The following TRPM8 variants were observed in gnomAD, a reference collection of about 807,000 sequenced individuals.
TRPM8 encodes the protein TRPM8 cationic channel.
A neutral mutation model predicts 133.7 loss-of-function variants in TRPM8; 110 were observed. That is an observed-to-expected ratio of 0.82 (90% CI 0.70 to 0.96). The LOEUF (loss-of-function observed/expected upper bound fraction) is 0.96. TRPM8 is among the 40% of genes least tolerant of loss of function. The pLI, the probability that TRPM8 is intolerant of heterozygous loss-of-function variation, is 0.00. For synonymous variants in TRPM8, 535 were observed against 532.3 expected (o/e 1.01, Z -0.07); for missense variants, 1,291 against 1,379.5 (o/e 0.94, Z 1.02).
At chr2:233,928,301 ACCT>A (rs1290004261) in intron 2 of TRPM8, among the ~76,000 whole-genome samples, 2 of 151,906 alleles carry the variant, frequency 1.3e-5, no homozygotes, top group African/African-American at 2.4e-5. Flanking sequence ...TGCCACTGTG[ACCT>A]CCTGCTGGAT....
At chr2:233,997,167 G>T (rs568435789) in intron 22 of TRPM8, among the ~76,000 whole-genome samples, 1 of 152,192 alleles carries the variant, frequency 6.6e-6, no homozygotes, top group South Asian at 2.1e-4. Flanking sequence ...CCAGCTACTC[G>T]GGAGGCTGAG....
chr2:234,000,107 A>ATTTATTTT (rs1692516029), intron 22 of TRPM8, among the ~76,000 whole-genome samples: 1 of 150,788 alleles, frequency 6.6e-6, no homozygotes, highest in Non-Finnish European at 1.5e-5. Context: ...TTATTTATTT[A>ATTTATTTT]TTTATTTATT....
intron 2 of TRPM8, among the ~76,000 whole-genome samples, chr2:233,927,102 A>G (rs1194629221): frequency 6.6e-6 from 1 of 151,752 alleles, no homozygotes; most frequent in Non-Finnish European, 1.5e-5. Flanking sequence ...TTTTCCACCC[A>G]CTCTCAGATC....
At chr2:234,007,983 T>C in intron 23 of TRPM8, 87 bp from the exon 24 acceptor site, 1 of 1,301,374 alleles carries the variant, frequency 7.7e-7, no homozygotes, top group Non-Finnish European at 1.1e-6. Context: ...TGTACTTTAA[T>C]TTAAAAGACT....
In TRPM8 at chr2:233,927,770, CTTT is replaced by C. The variant is rs1559516066; in HGVS notation, c.117+1117_117+1119del. On this transcript the variant is annotated intron_variant, in intron 2 of 25. Coordinates refer to ENST00000324695, the MANE Select transcript of TRPM8 (RefSeq NM_024080.5). ...TCTTTCTTTCTTTCTTTCTTTCTTTCTTTCTTTCTTTCTTTCTTTCTTTTCTTT... is the reference window on the plus strand; with the variant it reads ...TCTTTCTTTCTTTCTTTCTTTCTTTCCTTTCTTTCTTTCTTTCTTTTCTTT... Among the ~76,000 whole-genome samples, 178 of 65,416 alleles carry C rather than the reference CTTT, an allele frequency of 2.7e-3. 18 individuals are homozygous for C. Among genetic ancestry groups the C allele is most frequent in the African/African-American group, 0.021 (114 of 5,534 alleles). 42.9% of individuals were successfully genotyped at this position (65,416 alleles called of 152,430 possible).
chr2:233,920,244 T>C (rs1691381684), intron 1 of TRPM8, among the ~76,000 whole-genome samples: 2 of 152,126 alleles, frequency 1.3e-5, no homozygotes, highest in Non-Finnish European at 2.9e-5. Context: ...TATCGTGAAG[T>C]TTTGAAAAAA....
intron 17 of TRPM8, among the ~76,000 whole-genome samples, chr2:233,974,503 A>T (rs951901592): frequency 3.3e-5 from 5 of 152,140 alleles, no homozygotes; most frequent in African/African-American, 1.2e-4. Context: ...AAGTGCCGGG[A>T]TTATAGGTGT....
chr2:233,950,155 T>A lies in TRPM8; in HGVS notation c.1140+9T>A, dbSNP rs761495873. The A allele has an allele frequency of 6.2e-7, 1 of 1,610,768 alleles. No homozygotes were observed. Among genetic ancestry groups the A allele is most frequent in the Non-Finnish European group, 8.5e-7 (1 of 1,179,204 alleles). ...AGAGTTGGATCAAATGGGTAAGTTG[T>A]CGGGACCATGTCTGAGGGCTGAGAA... On this transcript the variant is annotated intron_variant, in intron 9 of 25. Coordinates refer to ENST00000324695, the MANE Select transcript of TRPM8 (RefSeq NM_024080.5).
rs867874438 is a variant in TRPM8, at chr2:234,017,472, C to T, written c.*216C>T. On this transcript the variant is annotated 3_prime_UTR_variant, in exon 26 of 26. Transcript: ENST00000324695. ...GACGGATATAAAGGAAGAATATTTC[C>T]TTTATGTGTTTCTCCAGAATGGTGC... is the stretch of plus-strand genomic sequence containing the variant. 4.7e-6 allele frequency: 2 copies of T among 429,814 alleles called. No individual in the cohort carries two copies. Among genetic ancestry groups the T allele is most frequent in the Admixed American group, 5.4e-5 (2 of 37,264 alleles). The allele number at this position is 429,814 out of a possible 1,614,324, so 26.6% of individuals were successfully genotyped here.
At chr2:233,919,032 TC>T (rs60290247) in intron 1 of TRPM8, among the ~76,000 whole-genome samples, 2,758 of 151,142 alleles carry the variant, frequency 0.018, 88 homozygotes, top group East Asian at 0.11. Flanking sequence ...ATCTTGTTTC[TC>T]CCCCCACCCC....
intron 6 of TRPM8, among the ~76,000 whole-genome samples, chr2:233,944,831 A>G (rs1349648511): frequency 6.6e-6 from 1 of 152,238 alleles, no homozygotes; most frequent in Non-Finnish European, 1.5e-5. Flanking sequence ...ACTATGTACT[A>G]GGTTCTATTC....
At chr2:233,936,681 A>C (rs1414812860) in intron 3 of TRPM8, among the ~76,000 whole-genome samples, 1 of 152,148 alleles carries the variant, frequency 6.6e-6, no homozygotes. Flanking sequence ...ACTGAGGCCA[A>C]CTCAGGGCTC....
chr2:233,998,896 G>A (rs991971331), intron 22 of TRPM8, among the ~76,000 whole-genome samples: 3 of 152,178 alleles, frequency 2.0e-5, no homozygotes, highest in African/African-American at 7.2e-5. Flanking sequence ...TGGTTTCAGG[G>A]ACTGCTGATC....
intron 24 of TRPM8, among the ~76,000 whole-genome samples, chr2:234,011,318 A>G (rs959426219): frequency 3.9e-5 from 6 of 152,078 alleles, no homozygotes; most frequent in African/African-American, 1.2e-4. Flanking sequence ...CCATTGGTCT[A>G]TAGTCTGTTT....
At chr2:234,005,211 C>G (rs1329123367) in intron 22 of TRPM8, among the ~76,000 whole-genome samples, 1 of 152,044 alleles carries the variant, frequency 6.6e-6, no homozygotes, top group Non-Finnish European at 1.5e-5. Flanking sequence ...AAGGCAGTAA[C>G]AATTGACAGA....
chr2:233,979,780 G>A (rs141565669), intron 17 of TRPM8, among the ~76,000 whole-genome samples: 4 of 152,302 alleles, frequency 2.6e-5, no homozygotes, highest in African/African-American at 7.2e-5. Flanking sequence ...AATTTTTACA[G>A]TAATGACACA....
At position 233,981,837 on chromosome 2, in the gene TRPM8, T is replaced by C. The variant is rs1485202532; in HGVS notation, c.2511T>C (p.Ile837=). 3 of 1,613,828 alleles carry C rather than the reference T, an allele frequency of 1.9e-6. No homozygotes were observed. The African/African-American group carries it at 4.0e-5, about 22-fold the overall frequency. The change falls in exon 19 of 26, where the codon ATT becomes ATC. Residue 837 remains isoleucine (I), a synonymous_variant. Coordinates refer to ENST00000324695, the MANE Select transcript of TRPM8 (RefSeq NM_024080.5). ...SGRVIFCLDY[I]IFTLRLIHIF... The stretch of plus-strand genomic sequence containing the variant: ...GAGTCATTTTCTGTCTGGACTACAT[T>C]ATTTTCACTCTAAGATTGATCCACA...
chr2:233,982,975 A>T, intron 19 of TRPM8, 78 bp from the exon 20 acceptor site: 1 of 1,515,858 alleles, frequency 6.6e-7, no homozygotes. Flanking sequence ...TCCATGGTCC[A>T]CTGAGGACGG....
At chr2:233,952,752 G>A (rs1691198807) in intron 9 of TRPM8, among the ~76,000 whole-genome samples, 2 of 151,960 alleles carry the variant, frequency 1.3e-5, no homozygotes, top group African/African-American at 4.8e-5. Context: ...TATGCAGGAT[G>A]GAGTCCCAGC....
Sources: allele counts gnomAD v4.1 joint callset (sites outside exome capture counted in the v4.1 genomes callset), GRCh38; gene constraint gnomAD v4.1.1; transcripts MANE v1.5; gene names NCBI Gene and HGNC (gene_info 2026-07-23, HGNC 2026-07-21).